RBMS3: variants seen among roughly 807,000 people sequenced by gnomAD.
RBMS3 encodes the protein RNA binding motif single stranded interacting protein 3, also known as RNA-binding motif, single-stranded-interacting protein 3.
RBMS3 carries 27 observed loss-of-function variants against 66.8 expected under a neutral mutation model. That is an observed-to-expected ratio of 0.40 (90% CI 0.30 to 0.56). The LOEUF (loss-of-function observed/expected upper bound fraction) is 0.56. Ranked by LOEUF, RBMS3 falls within the 20% of genes least tolerant of loss-of-function variation. The pLI is 0.40. For synonymous variants in RBMS3, 188 were observed against 183.0 expected (o/e 1.03, Z -0.22); for missense variants, 513 against 549.5 (o/e 0.93, Z 0.66).
intron 4 of RBMS3, among the ~76,000 whole-genome samples, chr3:29,719,127 G>A (rs1448714208): frequency 1.3e-5 from 2 of 149,986 alleles, no homozygotes; most frequent in East Asian, 1.9e-4. Flanking sequence ...CTGGGGTGGG[G>A]CCTAAGACTC....
At chr3:29,528,692 T>C (rs1007236970) in intron 3 of RBMS3, among the ~76,000 whole-genome samples, 2 of 152,130 alleles carry the variant, frequency 1.3e-5, no homozygotes, top group African/African-American at 4.8e-5. Flanking sequence ...TTTGATGGAG[T>C]ACCATATTGA....
At chr3:29,473,620 C>G (rs553003931) in intron 2 of RBMS3, among the ~76,000 whole-genome samples, 1 of 152,236 alleles carries the variant, frequency 6.6e-6, no homozygotes, top group African/African-American at 2.4e-5. Context: ...TCAGGCATGG[C>G]GGGCTGCAGG....
intron 1 of RBMS3, among the ~76,000 whole-genome samples, chr3:29,354,685 G>A (rs2125565604): frequency 6.6e-6 from 1 of 152,244 alleles, no homozygotes; most frequent in East Asian, 1.9e-4. Flanking sequence ...CTACTAAACA[G>A]TATCAGGCCC....
chr3:29,889,053 C>T (rs2059939126), intron 8 of RBMS3, among the ~76,000 whole-genome samples: 1 of 151,618 alleles, frequency 6.6e-6, no homozygotes, highest in Non-Finnish European at 1.5e-5. Flanking sequence ...ATTACGTGGC[C>T]TTTACTAACT....
At chr3:29,984,643 A>C (rs975187372) in intron 12 of RBMS3, among the ~76,000 whole-genome samples, 1 of 151,940 alleles carries the variant, frequency 6.6e-6, no homozygotes, top group African/African-American at 2.4e-5. Context: ...CCTTTCTGTT[A>C]GTTTTCCTTC....
At chr3:29,403,742 G>A (rs2039903798) in intron 1 of RBMS3, among the ~76,000 whole-genome samples, 1 of 152,038 alleles carries the variant, frequency 6.6e-6, no homozygotes, top group Non-Finnish European at 1.5e-5. Context: ...AGTGATTGCA[G>A]ACTTGAGATT....
intron 3 of RBMS3, among the ~76,000 whole-genome samples, chr3:29,526,798 T>C (rs1158403890): frequency 2.0e-5 from 3 of 152,040 alleles, no homozygotes; most frequent in African/African-American, 7.2e-5. Context: ...AGATAACGTT[T>C]CCCAACTCCT....
At chr3:29,286,655 A>G (rs74967512) in intron 1 of RBMS3, among the ~76,000 whole-genome samples, 506 of 152,114 alleles carry the variant, frequency 3.3e-3, no homozygotes, top group African/African-American at 0.012. Context: ...GAGGGACACA[A>G]TATAGAAGGG....
intron 3 of RBMS3, among the ~76,000 whole-genome samples, chr3:29,544,466 TAAAAG>T (rs1478095591): frequency 9.9e-5 from 15 of 151,946 alleles, no homozygotes; most frequent in Admixed American, 6.6e-4. Context: ...TTTTCAGAAA[TAAAAG>T]AAAAGATCAC....
chr3:29,991,266 C>G (rs1698859198), intron 14 of RBMS3, 57 bp downstream of exon 14: 3 of 1,611,410 alleles, frequency 1.9e-6, no homozygotes, highest in Non-Finnish European at 2.5e-6. Context: ...TGACATCACT[C>G]TCTCATGTTG....
At chr3:29,915,880 A>AC in intron 10 of RBMS3, among the ~76,000 whole-genome samples, 1 of 152,170 alleles carries the variant, frequency 6.6e-6, no homozygotes, top group South Asian at 2.1e-4. Flanking sequence ...CTAATGCAAA[A>AC]GCATGTAGCT....
chr3:29,351,412 T>G (rs1198301545), intron 1 of RBMS3, among the ~76,000 whole-genome samples: 1 of 152,142 alleles, frequency 6.6e-6, no homozygotes, highest in Non-Finnish European at 1.5e-5. Context: ...TCATAATTGC[T>G]CTAACATTAC....
At chr3:29,968,300 C>G (rs2167032) in intron 12 of RBMS3, among the ~76,000 whole-genome samples, 1 of 152,222 alleles carries the variant, frequency 6.6e-6, no homozygotes, top group African/African-American at 2.4e-5. Context: ...GGCTTTAGAT[C>G]TTCCCCTGCC....
intron 3 of RBMS3, among the ~76,000 whole-genome samples, chr3:29,523,210 A>AT (rs912750840): frequency 2.6e-5 from 4 of 152,080 alleles, no homozygotes; most frequent in African/African-American, 4.8e-5. Context: ...GCCTCTCAAG[A>AT]TTTTTTTGTC....
chr3:29,521,058 G>A (rs569303776), intron 3 of RBMS3, among the ~76,000 whole-genome samples: 10 of 152,038 alleles, frequency 6.6e-5, no homozygotes, highest in African/African-American at 2.4e-4. Context: ...ATAGCACCCT[G>A]TCACTCTCTC....
intron 4 of RBMS3, among the ~76,000 whole-genome samples, chr3:29,630,986 C>T (rs1397959579): frequency 6.6e-6 from 1 of 151,854 alleles, no homozygotes; most frequent in Non-Finnish European, 1.5e-5. Flanking sequence ...CTTTCTATTG[C>T]CCATTATTGG....
intron 4 of RBMS3, among the ~76,000 whole-genome samples, chr3:29,595,999 G>T (rs142925702): frequency 1.3e-5 from 2 of 152,098 alleles, no homozygotes; most frequent in Admixed American, 1.3e-4. Flanking sequence ...TCACAAGACC[G>T]GTGAGTTATT....
At chr3:29,592,680 A>G (rs1227194539) in intron 4 of RBMS3, among the ~76,000 whole-genome samples, 1 of 152,180 alleles carries the variant, frequency 6.6e-6, no homozygotes, top group African/African-American at 2.4e-5. Flanking sequence ...AGGATTATAA[A>G]TCATGCTGCT....
chr3:29,405,499 T>C (rs974047979), intron 1 of RBMS3, among the ~76,000 whole-genome samples: 7 of 152,204 alleles, frequency 4.6e-5, no homozygotes, highest in African/African-American at 1.4e-4. Context: ...GGGTACATTA[T>C]TTTCATAGTG....
Sources: allele counts gnomAD v4.1 joint callset (sites outside exome capture counted in the v4.1 genomes callset), GRCh38; gene constraint gnomAD v4.1.1; transcripts MANE v1.5; gene names NCBI Gene and HGNC (gene_info 2026-07-23, HGNC 2026-07-21).